LPP: variants seen among roughly 807,000 people sequenced by gnomAD.
The protein encoded by LPP is lipoma-preferred partner.
Under a neutral mutation model 60.4 loss-of-function variants are expected in LPP, and 38 were observed. The observed-to-expected ratio is 0.63, with a 90% CI of 0.49 to 0.83. LPP has a LOEUF of 0.83. LPP is among the 40% of genes least tolerant of loss of function. The pLI is 0.00. For synonymous variants in LPP, 328 were observed against 290.8 expected (o/e 1.13, Z -1.30); for missense variants, 902 against 783.6 (o/e 1.15, Z -1.80).
intron 8 of LPP, among the ~76,000 whole-genome samples, chr3:188,749,237 A>G (rs914338383): frequency 6.6e-6 from 1 of 152,188 alleles, no homozygotes; most frequent in Admixed American, 6.5e-5. Context: ...TACTTGAGGT[A>G]GGGCACCTGG....
intron 9 of LPP, among the ~76,000 whole-genome samples, chr3:188,837,645 G>A (rs1187444471): frequency 6.6e-6 from 1 of 151,950 alleles, no homozygotes; most frequent in Admixed American, 6.6e-5. Flanking sequence ...AAGTCTGATG[G>A]TCAGTGACTA....
chr3:188,184,235 C>T (rs73190757), intron 1 of LPP, among the ~76,000 whole-genome samples: 5,582 of 152,204 alleles, frequency 0.037, 123 homozygotes, highest in African/African-American at 0.052. Context: ...TGATTTTGCA[C>T]GGACTACTTC....
intron 1 of LPP, among the ~76,000 whole-genome samples, chr3:188,222,849 G>A (rs1370793561): frequency 6.6e-6 from 1 of 152,004 alleles, no homozygotes; most frequent in Admixed American, 6.5e-5. Context: ...TTCTCTTTTG[G>A]AGAGATACTT....
intron 2 of LPP, among the ~76,000 whole-genome samples, chr3:188,243,272 T>A (rs2149487030): frequency 6.6e-6 from 1 of 152,302 alleles, no homozygotes; most frequent in South Asian, 2.1e-4. Context: ...AGAACCGATT[T>A]AAAACTGTTT....
chr3:188,576,650 G>A (rs935938884), intron 6 of LPP, among the ~76,000 whole-genome samples: 6 of 152,052 alleles, frequency 3.9e-5, no homozygotes, highest in Non-Finnish European at 5.9e-5. Flanking sequence ...TAGCAACACT[G>A]AATCTTAATT....
rs1419758882 is a variant in LPP at position 188,495,080 on chromosome 3, A to ATTTT, written c.306+10377_306+10378insTTTT. Among the ~76,000 whole-genome samples, 228 of 100,778 alleles carry ATTTT rather than the reference A, an allele frequency of 2.3e-3. 11 individuals are homozygous for ATTTT. The highest frequency in any genetic ancestry group is 0.013 in the African/African-American group (215 of 16,488). The allele number at this position is 100,778 out of a possible 152,430, so 66.1% of individuals were successfully genotyped here. On this transcript the variant is annotated intron_variant, in intron 5 of 11. Coordinates refer to ENST00000617246, the MANE Select transcript of LPP (RefSeq NM_001375462.1). Reference sequence around the variant, plus strand: ...TTCAGGATTTTATATATATATATATATATTTTATTTATATTTTATTATATA... The same window carrying ATTTT: ...TTCAGGATTTTATATATATATATATATTTTTATTTTATTTATATTTTATTATATA...
chr3:188,629,696 C>T (rs1043714780), intron 7 of LPP, among the ~76,000 whole-genome samples: 9 of 151,780 alleles, frequency 5.9e-5, no homozygotes, highest in Non-Finnish European at 1.2e-4. Flanking sequence ...GTCAAACTAC[C>T]AATATTATCT....
intron 7 of LPP, among the ~76,000 whole-genome samples, chr3:188,685,503 C>G (rs776194361): frequency 2.6e-5 from 4 of 152,066 alleles, no homozygotes; most frequent in Admixed American, 6.6e-5. Context: ...ACCTTGAGCC[C>G]CATGCCAAAG....
chr3:188,308,366 T>G (rs1180293143), intron 2 of LPP, among the ~76,000 whole-genome samples: 1 of 152,130 alleles, frequency 6.6e-6, no homozygotes, highest in Non-Finnish European at 1.5e-5. Flanking sequence ...CTTAAGCAAG[T>G]AAATGGGAAT....
intron 6 of LPP, among the ~76,000 whole-genome samples, chr3:188,554,454 A>G (rs938767804): frequency 1.3e-5 from 2 of 152,144 alleles, no homozygotes; most frequent in Non-Finnish European, 2.9e-5. Context: ...AACACTAGAG[A>G]TTTACAGTGA....
chr3:188,328,939 C>T (rs1273502108), intron 2 of LPP, among the ~76,000 whole-genome samples: 1 of 152,152 alleles, frequency 6.6e-6, no homozygotes, highest in African/African-American at 2.4e-5. Flanking sequence ...GAAACTGGCT[C>T]CCTGTCCCGC....
rs142251758 is a variant in LPP at position 188,732,871 on chromosome 3, G to A, written c.1240+24478G>A. Among the ~76,000 whole-genome samples, 1,262 of 152,104 alleles carry A rather than the reference G, an allele frequency of 8.3e-3. 22 individuals are homozygous for A. Among genetic ancestry groups the A allele is most frequent in the African/African-American group, 0.028 (1,170 of 41,498 alleles). On this transcript the variant is annotated intron_variant, in intron 8 of 11. Transcript: ENST00000617246. Reference sequence around the variant, plus strand: ...TAAACTGAATAATACCAGTGAAAATGCTCTTTCAACTATAAAGTATTAGAG... The same window carrying A: ...TAAACTGAATAATACCAGTGAAAATACTCTTTCAACTATAAAGTATTAGAG...
At chr3:188,701,816 A>G (rs746424727) in intron 7 of LPP, among the ~76,000 whole-genome samples, 3 of 151,930 alleles carry the variant, frequency 2.0e-5, no homozygotes, top group Non-Finnish European at 4.4e-5. Context: ...CACTTACTTC[A>G]GAAGCATGAC....
At chr3:188,324,111 G>A (rs1757715501) in intron 2 of LPP, among the ~76,000 whole-genome samples, 1 of 152,094 alleles carries the variant, frequency 6.6e-6, no homozygotes, top group African/African-American at 2.4e-5. Flanking sequence ...GTGGCAACAT[G>A]AAATGTGACT....
At chr3:188,526,898 G>A (rs1204550748) in intron 6 of LPP, among the ~76,000 whole-genome samples, 1 of 152,136 alleles carries the variant, frequency 6.6e-6, no homozygotes, top group East Asian at 1.9e-4. Flanking sequence ...GTGAGGATAT[G>A]GCCTATACTG....
At chr3:188,682,545 T>C (rs1455444774) in intron 7 of LPP, among the ~76,000 whole-genome samples, 1 of 152,178 alleles carries the variant, frequency 6.6e-6, no homozygotes, top group Non-Finnish European at 1.5e-5. Flanking sequence ...CAGCATTTGT[T>C]ATGGTTACCT....
chr3:188,704,648 G>A (rs1464685612), intron 7 of LPP, among the ~76,000 whole-genome samples: 3 of 152,036 alleles, frequency 2.0e-5, no homozygotes, highest in African/African-American at 7.2e-5. Flanking sequence ...CACTTACCGT[G>A]GTTTCTAATG....
At chr3:188,596,252 TGTGA>T (rs1264231412) in intron 6 of LPP, among the ~76,000 whole-genome samples, 2 of 152,170 alleles carry the variant, frequency 1.3e-5, no homozygotes, top group Non-Finnish European at 2.9e-5. Flanking sequence ...AAAGTTAGAA[TGTGA>T]GTAATTTTGC....
chr3:188,656,792 A>G (rs560423991), intron 7 of LPP, among the ~76,000 whole-genome samples: 2 of 152,280 alleles, frequency 1.3e-5, no homozygotes, highest in African/African-American at 4.8e-5. Context: ...AGTAATACCT[A>G]ACATTGGCAT....
Sources: gnomAD v4.1 joint callset for allele counts (sites outside exome capture counted in the v4.1 genomes callset) on GRCh38, gnomAD v4.1.1 for gene constraint, MANE v1.5 for transcripts, NCBI Gene and HGNC (gene_info 2026-07-23, HGNC 2026-07-21) for gene names.